The following MAGI1 variants were observed in gnomAD, a reference collection of about 807,000 sequenced individuals.
MAGI1 encodes membrane-associated guanylate kinase, WW and PDZ domain-containing protein 1.
In MAGI1, 58 loss-of-function variants were observed where a neutral mutation model predicts 139.9. That is an observed-to-expected ratio of 0.41 (90% CI 0.34 to 0.52). MAGI1 has a LOEUF of 0.52. MAGI1 is among the 20% of genes least tolerant of loss of function. MAGI1 has a pLI of 0.12. For synonymous variants in MAGI1, 812 were observed against 737.9 expected, an observed-to-expected ratio of 1.10 and a Z score of -1.63; for missense variants, 1,874 against 1,901.6, an observed-to-expected ratio of 0.99 and a Z score of 0.27.
At chr3:65,491,958 A>G (rs1559603643) in intron 3 of MAGI1, among the ~76,000 whole-genome samples, 1 of 152,214 alleles carries the variant, frequency 6.6e-6, no homozygotes, top group Non-Finnish European at 1.5e-5. Flanking sequence ...TCCAAAGAAC[A>G]TCAAACCAGA....
intron 1 of MAGI1, among the ~76,000 whole-genome samples, chr3:65,662,567 T>G (rs2086259877): frequency 6.6e-6 from 1 of 152,218 alleles, no homozygotes; most frequent in African/African-American, 2.4e-5. Flanking sequence ...TTTGTTTGTT[T>G]GTATGTTCTA....
At chr3:65,881,416 C>A (rs964069815) in intron 1 of MAGI1, among the ~76,000 whole-genome samples, 1 of 152,106 alleles carries the variant, frequency 6.6e-6, no homozygotes, top group African/African-American at 2.4e-5. Context: ...CACTCGAGGC[C>A]AGGAGTCCAA....
chr3:65,660,442 T>C (rs2086130533), intron 1 of MAGI1, among the ~76,000 whole-genome samples: 1 of 152,220 alleles, frequency 6.6e-6, no homozygotes, highest in South Asian at 2.1e-4. Flanking sequence ...AGACAATACA[T>C]CCTAGGAAAC....
intron 1 of MAGI1, among the ~76,000 whole-genome samples, chr3:65,735,754 T>C (rs1296001546): frequency 2.6e-5 from 4 of 152,206 alleles, no homozygotes; most frequent in Non-Finnish European, 5.9e-5. Flanking sequence ...ATTCTCCCTC[T>C]GCTAAGTTTC....
intron 1 of MAGI1, among the ~76,000 whole-genome samples, chr3:65,855,634 A>AG (rs376422485): frequency 6.8e-4 from 64 of 94,298 alleles, no homozygotes; most frequent in South Asian, 1.7e-3. Context: ...AGGGGAGGGG[A>AG]AGGGAGAAAC....
intron 1 of MAGI1, among the ~76,000 whole-genome samples, chr3:65,881,281 T>C (rs2060317720): frequency 6.6e-6 from 1 of 152,130 alleles, no homozygotes; most frequent in Admixed American, 6.5e-5. Context: ...GAGTACCTGG[T>C]ATTAGGAAAC....
intron 4 of MAGI1, among the ~76,000 whole-genome samples, chr3:65,472,170 GA>G (rs1204194811): frequency 6.6e-6 from 1 of 151,954 alleles, no homozygotes; most frequent in Non-Finnish European, 1.5e-5. Flanking sequence ...CAACATAGAA[GA>G]AAAATTTAGA....
chr3:65,846,594 G>A (rs931526560), intron 1 of MAGI1, among the ~76,000 whole-genome samples: 1 of 151,022 alleles, frequency 6.6e-6, no homozygotes, highest in Non-Finnish European at 1.5e-5. Context: ...AGTACCAGCA[G>A]TCATGATCAC....
intron 1 of MAGI1, among the ~76,000 whole-genome samples, chr3:65,695,548 T>G (rs2089098214): frequency 6.6e-6 from 1 of 152,210 alleles, no homozygotes; most frequent in African/African-American, 2.4e-5. Flanking sequence ...AGTCACATCC[T>G]TTTTCTTCCC....
At chr3:66,009,698 T>A (rs886821448) in intron 1 of MAGI1, among the ~76,000 whole-genome samples, 2 of 152,102 alleles carry the variant, frequency 1.3e-5, no homozygotes, top group Non-Finnish European at 2.9e-5. Flanking sequence ...AGGTGTTCAA[T>A]AAAAAATGTA....
chr3:65,605,478 CT>C lies in MAGI1; in HGVS notation c.430+16493del, dbSNP rs1269210519. ...GGAGTATGATATGAAAGTAATTGTGCTTCCTGTAGGCCATGCACAACTGTAA... is the reference window on the plus strand; with the variant it reads ...GGAGTATGATATGAAAGTAATTGTGCTCCTGTAGGCCATGCACAACTGTAA... On this transcript the variant is annotated intron_variant, in intron 2 of 22. Transcript: ENST00000402939. Among the ~76,000 whole-genome samples, 3 of 152,236 alleles carry C rather than the reference CT, an allele frequency of 2.0e-5. No individual in the cohort carries two copies. In the East Asian group the frequency reaches 5.8e-4, roughly 29 times the overall value.
At chr3:65,370,631 C>G (rs1261391976) in intron 18 of MAGI1, among the ~76,000 whole-genome samples, 2 of 151,776 alleles carry the variant, frequency 1.3e-5, no homozygotes, top group Non-Finnish European at 2.9e-5. Context: ...AGTTTTTTTT[C>G]CAGGGTATTT....
intron 5 of MAGI1, among the ~76,000 whole-genome samples, chr3:65,462,510 C>T (rs565832491): frequency 1.3e-5 from 2 of 152,098 alleles, no homozygotes; most frequent in South Asian, 2.1e-4. Flanking sequence ...TATGCTGTTT[C>T]GGTTACTGTA....
chr3:65,703,227 C>A (rs1425259710), intron 1 of MAGI1, among the ~76,000 whole-genome samples: 2 of 152,178 alleles, frequency 1.3e-5, no homozygotes, highest in Non-Finnish European at 2.9e-5. Context: ...CTGACAACTG[C>A]TCCAATGCCC....
chr3:65,525,456 A>G (rs1228608247), intron 2 of MAGI1, among the ~76,000 whole-genome samples: 2 of 152,214 alleles, frequency 1.3e-5, no homozygotes, highest in African/African-American at 4.8e-5. Context: ...TAAGATACAC[A>G]CATGCTACCC....
chr3:65,391,055 C>T, intron 14 of MAGI1, 87 bp downstream of exon 14: 1 of 1,159,600 alleles, frequency 8.6e-7, no homozygotes, highest in East Asian at 2.4e-5. Context: ...TTACACACTG[C>T]AACTCATCTA....
intron 1 of MAGI1, among the ~76,000 whole-genome samples, chr3:65,928,652 AC>A (rs906691617): frequency 3.9e-5 from 6 of 152,164 alleles, no homozygotes; most frequent in African/African-American, 1.4e-4. Context: ...TACATGTCAA[AC>A]TACATTAAGT....
chr3:65,476,881 G>A lies in MAGI1; in HGVS notation c.757+1711C>T, dbSNP rs79866936. The stretch of plus-strand genomic sequence containing the variant: ...GATTCCTAAATGAATGAAAACAGCT[G>A]ATTTCAATTAAAACATAGGTACAAG... On this transcript the variant is annotated intron_variant, in intron 4 of 22. Coordinates refer to ENST00000402939, the MANE Select transcript of MAGI1 (RefSeq NM_001033057.2). Among the ~76,000 whole-genome samples, 49 of 152,298 alleles carry A rather than the reference G, an allele frequency of 3.2e-4. No homozygotes were observed. In the East Asian group the frequency reaches 6.2e-3, roughly 19 times the overall value.
At chr3:65,652,369 C>T (rs2085633444) in intron 1 of MAGI1, among the ~76,000 whole-genome samples, 1 of 152,100 alleles carries the variant, frequency 6.6e-6, no homozygotes, top group African/African-American at 2.4e-5. Flanking sequence ...AATCTTAGTA[C>T]TATTGACACG....
Sources: allele counts gnomAD v4.1 joint callset (sites outside exome capture counted in the v4.1 genomes callset), GRCh38; gene constraint gnomAD v4.1.1; transcripts MANE v1.5; gene names NCBI Gene and HGNC (gene_info 2026-07-23, HGNC 2026-07-21).